Variants in FGF14 observed in about 807,000 individuals in gnomAD.
FGF14 encodes fibroblast growth factor 14, also known as fibroblast growth factor homologous factor 4.
Under a neutral mutation model 25.5 loss-of-function variants are expected in FGF14, and 5 were observed. That is an observed-to-expected ratio of 0.20 (90% CI 0.10 to 0.41). FGF14 has a LOEUF of 0.41. Ranked by LOEUF, FGF14 falls within the 10% of genes least tolerant of loss-of-function variation. The pLI is 1.00. For missense variants in FGF14, 222 were observed against 320.1 expected, an observed-to-expected ratio of 0.69 and a Z score of 2.34; for synonymous variants, 138 against 118.3, an observed-to-expected ratio of 1.17 and a Z score of -1.08.
chr13:102,323,931 C>A (rs2056329438), intron 1 of FGF14, among the ~76,000 whole-genome samples: 1 of 150,008 alleles, frequency 6.7e-6, no homozygotes, highest in African/African-American at 2.5e-5. Context: ...TATCAGATGA[C>A]TCTTTAAAGG....
Position 101,893,350 on chromosome 13 carries a change from T to C in FGF14, c.194-18054A>G, listed in dbSNP as rs544892271. On this transcript the variant is annotated intron_variant, in intron 1 of 4. Transcript: ENST00000376143. ...ACAATATTCTGCAGCCAAGTGCTGC[T>C]ATGGCATTAACCATGATGTATTGTG... 3.3e-5 allele frequency among the ~76,000 whole-genome samples: 5 copies of C among 152,302 alleles called. No individual in the cohort carries two copies. In the East Asian group the frequency reaches 9.6e-4, roughly 29 times the overall value.
intron 1 of FGF14, among the ~76,000 whole-genome samples, chr13:101,936,442 C>T (rs1339826492): frequency 6.6e-6 from 1 of 152,190 alleles, no homozygotes; most frequent in Non-Finnish European, 1.5e-5. Context: ...TTTCAGAACT[C>T]AAGTCAGGAA....
At chr13:102,172,304 C>A (rs966086649) in intron 1 of FGF14, among the ~76,000 whole-genome samples, 1 of 151,974 alleles carries the variant, frequency 6.6e-6, no homozygotes, top group Non-Finnish European at 1.5e-5. Flanking sequence ...AATTACCTTC[C>A]TTCGACAATT....
chr13:102,013,308 A>G (rs941489239), intron 1 of FGF14, among the ~76,000 whole-genome samples: 4 of 152,222 alleles, frequency 2.6e-5, no homozygotes, highest in Non-Finnish European at 5.9e-5. Context: ...GCTAAAATTT[A>G]ATTTAAAAAT....
At chr13:102,016,284 A>G (rs1295140303) in intron 1 of FGF14, among the ~76,000 whole-genome samples, 1 of 152,166 alleles carries the variant, frequency 6.6e-6, no homozygotes, top group Non-Finnish European at 1.5e-5. Context: ...GACTATATGT[A>G]TTATAAATTT....
intron 3 of FGF14, among the ~76,000 whole-genome samples, chr13:101,773,481 G>A (rs1271797988): frequency 6.6e-6 from 1 of 152,026 alleles, no homozygotes; most frequent in Admixed American, 6.6e-5. Context: ...GAAACTGAGA[G>A]GAAGATCTAA....
chr13:101,732,845 C>A (rs1013494920), intron 3 of FGF14, among the ~76,000 whole-genome samples: 4 of 152,244 alleles, frequency 2.6e-5, no homozygotes, highest in Admixed American at 2.0e-4. Context: ...TGGGAATTCC[C>A]ATATTCAGAT....
rs2034823321 is a variant in FGF14, at chr13:101,718,953, G to A, written c.*3878C>T. On this transcript the variant is annotated 3_prime_UTR_variant, in exon 5 of 5. Coordinates refer to ENST00000376143, the MANE Select transcript of FGF14 (RefSeq NM_004115.4). Reference sequence around the variant, plus strand: ...CTCAAAGTAAGACCATGTACATCCTGGATTTTGATATGCCTGCATTTTGGA... The same window carrying A: ...CTCAAAGTAAGACCATGTACATCCTAGATTTTGATATGCCTGCATTTTGGA... The A allele has an allele frequency of 6.6e-6, 1 of 151,806 alleles. No individual in the cohort carries two copies. The highest frequency in any genetic ancestry group is 2.1e-4 in the South Asian group (1 of 4,818). 9.4% of individuals were successfully genotyped at this position (151,806 alleles called of 1,614,324 possible).
rs561624693 is a variant in FGF14, at chr13:101,765,718, T to TTTTATTTATTTATTTATTTA, written c.409-38928_409-38909dup. Among the ~76,000 whole-genome samples, 568 of 143,384 alleles carry TTTTATTTATTTATTTATTTA rather than the reference T, an allele frequency of 4.0e-3. 4 individuals carry two copies. Among genetic ancestry groups the TTTTATTTATTTATTTATTTA allele is most frequent in the African/African-American group, 0.015 (552 of 36,804 alleles). 94.1% of individuals were successfully genotyped at this position (143,384 alleles called of 152,430 possible). A position where few individuals can be genotyped will look rare whatever the true frequency, so the allele number is the denominator to read the frequency against. On this transcript the variant is annotated intron_variant, in intron 3 of 4. Transcript: ENST00000376143. ...CTTTTATTTATTATTATTATTATTA[T>TTTTATTTATTTATTTATTTA]TTTATTTATTTATTTATTTATTTAT...
At chr13:102,041,595 A>AAAAAAAAAAAAGAG (rs1175485223) in intron 1 of FGF14, among the ~76,000 whole-genome samples, 2 of 149,850 alleles carry the variant, frequency 1.3e-5, no homozygotes, top group African/African-American at 4.9e-5. Context: ...AAAAAAAAAA[A>AAAAAAAAAAAAGAG]AGAGAGATTT....
intron 1 of FGF14, among the ~76,000 whole-genome samples, chr13:101,969,343 C>T (rs535596459): frequency 6.6e-6 from 1 of 152,232 alleles, no homozygotes; most frequent in Admixed American, 6.5e-5. Context: ...GTGGGCGGAT[C>T]ACAAGGTCAG....
At chr13:101,829,718 A>G (rs1010244916) in intron 3 of FGF14, among the ~76,000 whole-genome samples, 4 of 152,052 alleles carry the variant, frequency 2.6e-5, no homozygotes, top group African/African-American at 9.7e-5. Context: ...TGGTTGAATG[A>G]CCCCATCAGG....
rs369413804 is a variant in FGF14, at chr13:101,907,151, TTC to T, written c.193+9300_193+9301del. 1.3e-4 allele frequency among the ~76,000 whole-genome samples: 20 copies of T among 152,262 alleles called. No individual in the cohort carries two copies. In the East Asian group the frequency reaches 2.9e-3, roughly 22 times the overall value. Reference sequence around the variant, plus strand: ...ATTCTCAGAAAGACCATTCATCTTCTTCTGTTTTATAGAGACAAGCCACTCTG... The same window carrying T: ...ATTCTCAGAAAGACCATTCATCTTCTTGTTTTATAGAGACAAGCCACTCTG... On this transcript the variant is annotated intron_variant, in intron 1 of 4. Transcript: ENST00000376143.
intron 1 of FGF14, among the ~76,000 whole-genome samples, chr13:102,150,172 A>G (rs192058186): frequency 2.0e-5 from 3 of 152,250 alleles, no homozygotes; most frequent in African/African-American, 7.2e-5. Context: ...GTCCCTTAGC[A>G]TCTTTGAATC....
chr13:102,042,785 G>T (rs1371828683), intron 1 of FGF14, among the ~76,000 whole-genome samples: 3 of 152,204 alleles, frequency 2.0e-5, no homozygotes, highest in African/African-American at 7.2e-5. Flanking sequence ...TTTAGTGAGT[G>T]AGTCAATTTT....
Position 101,916,472 on chromosome 13 carries a change from C to T in FGF14, c.174G>A (p.Lys58=). The change falls in exon 1 of 5, where the codon AAG becomes AAA. Residue 58 remains lysine, a synonymous_variant. Coordinates refer to ENST00000376143, the MANE Select transcript of FGF14 (RefSeq NM_004115.4). ...FSKVRIFGLK[K]RRLRRQDPQL... Reference sequence around the variant, plus strand: ...ACAGACCTTGGCGCCGCAACCTGCGCTTCTTGAGGCCGAAGATGCGCACTT... The same window carrying T: ...ACAGACCTTGGCGCCGCAACCTGCGTTTCTTGAGGCCGAAGATGCGCACTT... 6.2e-7 allele frequency: 1 copy of T among 1,613,940 alleles called. No homozygotes were observed. Among genetic ancestry groups the T allele is most frequent in the Non-Finnish European group, 8.5e-7 (1 of 1,179,938 alleles).
In FGF14 at chr13:101,916,775, G is replaced by A. The variant is rs1202273620; in HGVS notation, c.-130C>T. On this transcript the variant is annotated 5_prime_UTR_variant, in exon 1 of 5. Coordinates refer to ENST00000376143, the MANE Select transcript of FGF14 (RefSeq NM_004115.4). The stretch of plus-strand genomic sequence containing the variant: ...AGAGGAGGGGGTGCCAGGCGGGACT[G>A]GGGAGAGGGGAAGGGGGGCTCAGTC... The A allele has an allele frequency of 9.1e-6, 7 of 772,004 alleles. No individual in the cohort carries two copies. The highest frequency in any genetic ancestry group is 8.0e-6 in the Non-Finnish European group (4 of 500,870). The allele number at this position is 772,004 out of a possible 1,614,324, so 47.8% of individuals were successfully genotyped here.
At chr13:102,081,559 A>C (rs2043622358) in intron 1 of FGF14, among the ~76,000 whole-genome samples, 1 of 152,138 alleles carries the variant, frequency 6.6e-6, no homozygotes, top group African/African-American at 2.4e-5. Context: ...CTTTCACTTA[A>C]TGAAAAGATT....
At position 101,986,503 on chromosome 13, in the gene FGF14, G is replaced by A. The variant is rs147925888; in HGVS notation, c.209-111207C>T. ...CTGATGTTTGATTAAATATTTATAG[G>A]AACCCCAAAGAAAAAGAGTGTTCTG... On this transcript the variant is annotated intron_variant, in intron 1 of 4. Coordinates refer to the FGF14 transcript ENST00000376131. Among the ~76,000 whole-genome samples the A allele has an allele frequency of 4.7e-4, 72 of 152,130 alleles. No homozygotes were observed. In the Middle Eastern group the frequency reaches 0.014, roughly 29 times the overall value.
Sources: gnomAD v4.1 joint callset for allele counts (sites outside exome capture counted in the v4.1 genomes callset) on GRCh38, gnomAD v4.1.1 for gene constraint, MANE v1.5 for transcripts, NCBI Gene and HGNC (gene_info 2026-07-23, HGNC 2026-07-21) for gene names.